MACROD2: variants seen among roughly 807,000 people sequenced by gnomAD.
MACROD2 encodes ADP-ribose glycohydrolase MACROD2.
MACROD2 carries 36 observed loss-of-function variants against 70.4 expected under a neutral mutation model. The observed-to-expected ratio is 0.51, with a 90% CI of 0.39 to 0.68. The LOEUF (loss-of-function observed/expected upper bound fraction) is 0.68, where lower values mean the gene tolerates loss of function less well. Among genes scored for constraint, MACROD2 ranks in the 30% least tolerant of loss-of-function variants. The probability of loss-of-function intolerance (pLI) is 0.00; values close to 1 mark genes in which losing one functional copy is unlikely to be tolerated. For missense variants in MACROD2, 496 were observed against 538.4 expected, an observed-to-expected ratio of 0.92 and a Z score of 0.78; for synonymous variants, 172 against 178.8, an observed-to-expected ratio of 0.96 and a Z score of 0.30.
chr20:14,310,065 G>A (rs1481492213), intron 3 of MACROD2, among the ~76,000 whole-genome samples: 3 of 152,022 alleles, frequency 2.0e-5, no homozygotes, highest in Non-Finnish European at 2.9e-5. Context: ...ATCTTTTCTT[G>A]AAAAAATTCA....
At chr20:15,411,113 A>G (rs896084612) in intron 6 of MACROD2, among the ~76,000 whole-genome samples, 1 of 149,246 alleles carries the variant, frequency 6.7e-6, no homozygotes, top group African/African-American at 2.5e-5. Flanking sequence ...TGATTAGAAT[A>G]TTACATGTTA....
chr20:15,366,309 G>A (rs775312052), intron 6 of MACROD2, among the ~76,000 whole-genome samples: 1 of 151,978 alleles, frequency 6.6e-6, no homozygotes, highest in Non-Finnish European at 1.5e-5. Flanking sequence ...ACCATGCTCT[G>A]GGCTTTCTGC....
intron 4 of MACROD2, among the ~76,000 whole-genome samples, chr20:14,594,780 TAC>T (rs1982011321): frequency 1.3e-5 from 2 of 152,122 alleles, no homozygotes; most frequent in Non-Finnish European, 2.9e-5. Context: ...TAGACCCAGA[TAC>T]TCGGGATGCT....
intron 6 of MACROD2, among the ~76,000 whole-genome samples, chr20:15,279,674 G>T (rs2077425709): frequency 6.6e-6 from 1 of 152,060 alleles, no homozygotes; most frequent in South Asian, 2.1e-4. Flanking sequence ...TTCTTATATT[G>T]GGGTAGTTTA....
intron 4 of MACROD2, chr20:14,547,755 GC>G (rs1978363046): frequency 6.6e-6 from 1 of 152,262 alleles, no homozygotes; most frequent in South Asian, 2.1e-4. Flanking sequence ...GTTGGGCTCA[GC>G]TGGGAGATTC....
chr20:15,311,315 G>T (rs1443524395), intron 6 of MACROD2, among the ~76,000 whole-genome samples: 1 of 152,154 alleles, frequency 6.6e-6, no homozygotes, highest in Admixed American at 6.5e-5. Context: ...AAACCCCTTT[G>T]CAGATAATAA....
At chr20:15,130,709 T>C (rs996039063) in intron 5 of MACROD2, among the ~76,000 whole-genome samples, 38 of 152,050 alleles carry the variant, frequency 2.5e-4, no homozygotes, top group African/African-American at 8.9e-4. Flanking sequence ...ACAAAGGAGT[T>C]GGAATGAGTA....
chr20:14,544,635 A>G (rs770230104), intron 4 of MACROD2, among the ~76,000 whole-genome samples: 1 of 152,162 alleles, frequency 6.6e-6, no homozygotes, highest in African/African-American at 2.4e-5. Flanking sequence ...TGAGACAAAG[A>G]TTCTCCTATA....
At chr20:15,908,970 T>C (rs2065191426) in intron 10 of MACROD2, among the ~76,000 whole-genome samples, 1 of 152,344 alleles carries the variant, frequency 6.6e-6, no homozygotes, top group East Asian at 1.9e-4. Flanking sequence ...TAAAACTTGT[T>C]GGCTTAAAAT....
chr20:15,364,429 A>G (rs2045376231), intron 6 of MACROD2, among the ~76,000 whole-genome samples: 1 of 152,196 alleles, frequency 6.6e-6, no homozygotes, highest in Non-Finnish European at 1.5e-5. Flanking sequence ...AGACCCAGGT[A>G]TGCCCCTCTG....
intron 3 of MACROD2, among the ~76,000 whole-genome samples, chr20:14,276,306 G>T (rs2082255462): frequency 6.6e-6 from 1 of 150,664 alleles, no homozygotes; most frequent in African/African-American, 2.4e-5. Context: ...CATAAAAAAT[G>T]ATGAGTTCAT....
intron 8 of MACROD2, among the ~76,000 whole-genome samples, chr20:15,588,515 G>A (rs748222734): frequency 2.6e-5 from 4 of 152,156 alleles, no homozygotes; most frequent in Non-Finnish European, 5.9e-5. Context: ...TCATCAGGCT[G>A]CAAATTTTCC....
Position 15,966,183 on chromosome 20 carries a change from TA to T in MACROD2, c.908-1369del, listed in dbSNP as rs141526152. Among the ~76,000 whole-genome samples the T allele has an allele frequency of 2.3e-3, 347 of 152,344 alleles. 1 individual carries two copies. Among genetic ancestry groups the T allele is most frequent in the African/African-American group, 8.0e-3 (332 of 41,578 alleles). The stretch of plus-strand genomic sequence containing the variant: ...GAAACAAACAAAGAATAGTTTATTT[TA>T]GACTCCATCTGATTCAGCTCTGTTG... On this transcript the variant is annotated intron_variant, in intron 12 of 17. Transcript: ENST00000684519.
chr20:15,485,989 G>A (rs2047158205), intron 7 of MACROD2, among the ~76,000 whole-genome samples: 1 of 152,130 alleles, frequency 6.6e-6, no homozygotes, highest in African/African-American at 2.4e-5. Flanking sequence ...CATATTACTA[G>A]GATGTGGTGA....
intron 3 of MACROD2, among the ~76,000 whole-genome samples, chr20:14,474,783 G>A (rs1304946223): frequency 6.6e-6 from 1 of 151,900 alleles, no homozygotes; most frequent in Non-Finnish European, 1.5e-5. Flanking sequence ...AATGAATGTT[G>A]CCACCTCTGT....
intron 5 of MACROD2, among the ~76,000 whole-genome samples, chr20:15,220,344 C>T (rs1425733819): frequency 6.6e-6 from 1 of 152,206 alleles, no homozygotes; most frequent in Admixed American, 6.5e-5. Flanking sequence ...AGCAACTGTT[C>T]CCATAGAATT....
At chr20:15,991,618 C>T (rs183182677) in intron 15 of MACROD2, among the ~76,000 whole-genome samples, 1 of 152,316 alleles carries the variant, frequency 6.6e-6, no homozygotes, top group Non-Finnish European at 1.5e-5. Flanking sequence ...ACTATATACA[C>T]TTGCATGTTG....
At chr20:14,220,561 G>A (rs927991632) in intron 3 of MACROD2, among the ~76,000 whole-genome samples, 9 of 152,134 alleles carry the variant, frequency 5.9e-5, no homozygotes, top group East Asian at 3.9e-4. Flanking sequence ...TTCTCATCTC[G>A]TTCAAATGGT....
chr20:14,787,889 T>A (rs1330743727), intron 5 of MACROD2, among the ~76,000 whole-genome samples: 3 of 152,056 alleles, frequency 2.0e-5, no homozygotes, highest in African/African-American at 7.3e-5. Context: ...GACCACAGGA[T>A]TGGAAGCACT....
Sources: allele counts gnomAD v4.1 joint callset (sites outside exome capture counted in the v4.1 genomes callset), GRCh38; gene constraint gnomAD v4.1.1; transcripts MANE v1.5; gene names NCBI Gene and HGNC (gene_info 2026-07-23, HGNC 2026-07-21).